The following SMIM45 variants were observed in gnomAD, a reference collection of about 807,000 sequenced individuals.
The protein encoded by SMIM45 is long intergenic non-protein coding RNA 634.
chr22:41,955,158 A>G, the SMIM45 span, among the ~76,000 whole-genome samples: 2 of 151,102 alleles, frequency 1.3e-5, no homozygotes, highest in African/African-American at 4.9e-5. Flanking sequence ...GCCAGGCAGA[A>G]TGGTGCAAAA....
the SMIM45 span, among the ~76,000 whole-genome samples, chr22:41,955,738 G>A: frequency 3.3e-5 from 5 of 151,002 alleles, no homozygotes; most frequent in African/African-American, 9.8e-5. Flanking sequence ...CCTGGGAGGC[G>A]GAGCTTGCAG....
the SMIM45 span, among the ~76,000 whole-genome samples, chr22:41,951,808 G>C: frequency 6.6e-6 from 1 of 152,142 alleles, no homozygotes; most frequent in Non-Finnish European, 1.5e-5. Flanking sequence ...AGCTCTACTG[G>C]TCACTGATTC....
chr22:41,951,516 T>A, the SMIM45 span, among the ~76,000 whole-genome samples: 1 of 152,070 alleles, frequency 6.6e-6, no homozygotes, highest in African/African-American at 2.4e-5. Flanking sequence ...ATGGGAGTGC[T>A]CAATGCCTGT....
the SMIM45 span, among the ~76,000 whole-genome samples, chr22:41,957,181 CTTTTTT>C: frequency 3.4e-4 from 20 of 59,292 alleles, 1 homozygote; most frequent in Admixed American, 7.5e-4. Context: ...ACCACGTGGT[CTTTTTT>C]TTTTTTTTTT....
the SMIM45 span, chr22:41,958,459 C>A: frequency 2.3e-6 from 1 of 427,844 alleles, no homozygotes; most frequent in Admixed American, 2.5e-5. Context: ...GGGATAAGAC[C>A]GTGGTAGAGG....
At chr22:41,953,754 T>G in the SMIM45 span, among the ~76,000 whole-genome samples, 9 of 83,510 alleles carry the variant, frequency 1.1e-4, no homozygotes, top group African/African-American at 6.8e-4. Context: ...TTTTTTTTTT[T>G]TTTTTTTTTT....
chr22:41,950,777 T>C, the SMIM45 span, among the ~76,000 whole-genome samples: 35,628 of 152,090 alleles, frequency 0.23, 4,561 homozygotes, highest in African/African-American at 0.31. Flanking sequence ...GGGCAGATCA[T>C]GAGGTCAGTA....
At chr22:41,949,913 G>C in the SMIM45 span, among the ~76,000 whole-genome samples, 1 of 152,266 alleles carries the variant, frequency 6.6e-6, no homozygotes, top group African/African-American at 2.4e-5. Context: ...AGGCCAGATA[G>C]AGGCCTGGAG....
At chr22:41,950,188 C>A in the SMIM45 span, among the ~76,000 whole-genome samples, 1 of 152,074 alleles carries the variant, frequency 6.6e-6, no homozygotes, top group African/African-American at 2.4e-5. Context: ...GCCGACAGGC[C>A]ATGGATCACA....
the SMIM45 span, among the ~76,000 whole-genome samples, chr22:41,947,432 ATC>A: frequency 6.6e-6 from 1 of 150,434 alleles, no homozygotes; most frequent in Non-Finnish European, 1.5e-5. Context: ...AATGCGCGCA[ATC>A]TCGGCTCACT....
chr22:41,950,043 G>A, the SMIM45 span, among the ~76,000 whole-genome samples: 2 of 152,082 alleles, frequency 1.3e-5, no homozygotes, highest in Non-Finnish European at 2.9e-5. Context: ...AGAGACGGGG[G>A]ATTCCGAGTG....
the SMIM45 span, among the ~76,000 whole-genome samples, chr22:41,954,314 T>G: frequency 2.0e-5 from 3 of 150,324 alleles, no homozygotes; most frequent in African/African-American, 4.9e-5. Context: ...TCAAGCGATT[T>G]TCCTGCCTCA....
chr22:41,958,496 GA>G, the SMIM45 span: 1 of 409,952 alleles, frequency 2.4e-6, no homozygotes, highest in Non-Finnish European at 5.0e-6. Context: ...GAGAGAGAGA[GA>G]GAGAGAGAGA....
the SMIM45 span, among the ~76,000 whole-genome samples, chr22:41,955,572 C>T: frequency 2.0e-5 from 3 of 151,774 alleles, no homozygotes; most frequent in East Asian, 1.9e-4. Context: ...TTTGGGAGGC[C>T]GAGGTGGGCG....
the SMIM45 span, chr22:41,958,555 A>G: frequency 5.7e-6 from 2 of 351,520 alleles, no homozygotes; most frequent in Non-Finnish European, 1.1e-5. Flanking sequence ...TGTATATGTG[A>G]GAGAGAGTGT....
At chr22:41,958,508 GT>G in the SMIM45 span, 1 of 395,902 alleles carries the variant, frequency 2.5e-6, no homozygotes, top group Non-Finnish European at 5.1e-6. Context: ...GAGAGAGAGA[GT>G]CTGGGGGGAG....
the SMIM45 span, among the ~76,000 whole-genome samples, chr22:41,954,868 A>G: frequency 6.6e-6 from 1 of 152,108 alleles, no homozygotes; most frequent in African/African-American, 2.4e-5. Flanking sequence ...CTACCTGGGC[A>G]TGGTGGCAGA....
chr22:41,948,615 A>G, the SMIM45 span, among the ~76,000 whole-genome samples: 1 of 152,096 alleles, frequency 6.6e-6, no homozygotes, highest in Non-Finnish European at 1.5e-5. Flanking sequence ...AGTAGTAGGC[A>G]CTATGACAAG....
At chr22:41,958,349 A>G in the SMIM45 span, 1 of 456,652 alleles carries the variant, frequency 2.2e-6, no homozygotes, top group South Asian at 1.5e-5. Context: ...GAAAGAACCT[A>G]AGAACCTCGT....
Sources: gnomAD v4.1 joint callset for allele counts (sites outside exome capture counted in the v4.1 genomes callset) on GRCh38, gnomAD v4.1.1 for gene constraint, MANE v1.5 for transcripts, NCBI Gene and HGNC (gene_info 2026-07-23, HGNC 2026-07-21) for gene names.